Variants in MGAT4C observed in about 807,000 individuals in gnomAD.
MGAT4C encodes alpha-1,3-mannosyl-glycoprotein 4-beta-N-acetylglucosaminyltransferase C.
A neutral mutation model predicts 40.1 loss-of-function variants in MGAT4C; 19 were observed. That is an observed-to-expected ratio of 0.47 (90% CI 0.33 to 0.70). The LOEUF (loss-of-function observed/expected upper bound fraction) is 0.70. MGAT4C is among the 30% of genes least tolerant of loss of function. The probability of loss-of-function intolerance (pLI) is 0.02; values close to 1 mark genes in which losing one functional copy is unlikely to be tolerated. For missense variants in MGAT4C, 491 were observed against 563.2 expected (o/e 0.87, Z 1.30); for synonymous variants, 181 against 187.1 (o/e 0.97, Z 0.27).
chr12:86,109,758 G>A (rs1374416637), intron 1 of MGAT4C, among the ~76,000 whole-genome samples: 1 of 151,842 alleles, frequency 6.6e-6, no homozygotes, highest in Non-Finnish European at 1.5e-5. Flanking sequence ...AAAGTGGTAG[G>A]CAAAATGTAT....
chr12:86,815,497 A>T (rs549239902), intron 1 of MGAT4C, among the ~76,000 whole-genome samples: 15 of 150,692 alleles, frequency 1.0e-4, no homozygotes, highest in Non-Finnish European at 7.4e-5. Context: ...ACTACTGGGT[A>T]TCTACCCAGA....
In MGAT4C at chr12:85,975,064, T is replaced by G. The variant is rs2136667206; in HGVS notation, c.*4225A>C. On this transcript the variant is annotated 3_prime_UTR_variant, in exon 5 of 5. Transcript: ENST00000611864. ...TCAATGTAAATGGATCAAGATTTCT[T>G]AAAACAGAAATGAATATTATTATTT... 1 of 151,090 alleles carries G rather than the reference T, an allele frequency of 6.6e-6. No individual in the cohort carries two copies. Among genetic ancestry groups the G allele is most frequent in the East Asian group, 1.9e-4 (1 of 5,178 alleles). The allele number at this position is 151,090 out of a possible 1,614,324, so 9.4% of individuals were successfully genotyped here.
chr12:86,047,846 T>C (rs1194184268), intron 2 of MGAT4C, among the ~76,000 whole-genome samples: 1 of 152,124 alleles, frequency 6.6e-6, no homozygotes, highest in Non-Finnish European at 1.5e-5. Flanking sequence ...CCTTAGTGAT[T>C]GGCAGGAGCA....
At chr12:86,489,950 G>T (rs774069919) in intron 2 of MGAT4C, among the ~76,000 whole-genome samples, 8 of 151,282 alleles carry the variant, frequency 5.3e-5, no homozygotes, top group Non-Finnish European at 1.0e-4. Flanking sequence ...CGTCTAATTG[G>T]TGTACCTGAA....
At position 85,960,486 on chromosome 12, in the gene MGAT4C, C is replaced by T. The variant is rs1883054998; in HGVS notation, c.*18803G>A. 6.6e-6 allele frequency: 1 copy of T among 151,998 alleles called. No individual in the cohort carries two copies. The highest frequency in any genetic ancestry group is 1.5e-5 in the Non-Finnish European group (1 of 67,906). The allele number at this position is 151,998 out of a possible 1,614,324, so 9.4% of individuals were successfully genotyped here. On this transcript the variant is annotated 3_prime_UTR_variant, in exon 5 of 5. Coordinates refer to ENST00000611864, the MANE Select transcript of MGAT4C (RefSeq NM_001351288.2). ...GACATAGATGAAAAATGTAAAACAA[C>T]AATTAGCATGTGACATGCTCTCAGC...
chr12:86,680,666 C>A (rs959470353), intron 2 of MGAT4C, among the ~76,000 whole-genome samples: 3 of 151,970 alleles, frequency 2.0e-5, no homozygotes, highest in Non-Finnish European at 2.9e-5. Context: ...CATAAAATAG[C>A]AATTAACCTA....
rs955435862 is a variant in MGAT4C at position 86,114,253 on chromosome 12, G to A, written c.-56-64530C>T. On this transcript the variant is annotated intron_variant, in intron 1 of 4. Transcript: ENST00000611864. The stretch of plus-strand genomic sequence containing the variant: ...CTTTTGGTATTCCTTAAATGGTTTT[G>A]TCAGTAATCAAAAAGGACACCTGTT... Among the ~76,000 whole-genome samples the A allele has an allele frequency of 6.6e-5, 10 of 151,650 alleles. No individual in the cohort carries two copies. The Admixed American group carries it at 6.6e-4, about 10-fold the overall frequency.
intron 2 of MGAT4C, among the ~76,000 whole-genome samples, chr12:86,583,162 G>C (rs1960863213): frequency 6.6e-6 from 1 of 151,176 alleles, no homozygotes; most frequent in African/African-American, 2.4e-5. Flanking sequence ...AAGTTTGTGT[G>C]TTAAATAGCT....
At chr12:86,056,225 G>C (rs757618063) in intron 1 of MGAT4C, among the ~76,000 whole-genome samples, 1 of 151,998 alleles carries the variant, frequency 6.6e-6, no homozygotes, top group Non-Finnish European at 1.5e-5. Context: ...TGAAATGAGT[G>C]ATCTATTTAT....
chr12:86,449,211 G>A (rs1032313283), intron 2 of MGAT4C, among the ~76,000 whole-genome samples: 5 of 152,062 alleles, frequency 3.3e-5, no homozygotes, highest in African/African-American at 1.2e-4. Context: ...TAATATTTAT[G>A]GCAATGCCTG....
rs118020431 is a variant in MGAT4C, at chr12:86,564,580, C to T, written c.-228-129315G>A. Among the ~76,000 whole-genome samples the T allele has an allele frequency of 7.2e-5, 11 of 152,242 alleles. No homozygotes were observed. The South Asian group carries it at 8.3e-4, about 11-fold the overall frequency. Reference sequence around the variant, plus strand: ...CATGCAATGGGATGGAAAATAAATCCGACTAAAATTCGGGGAACTTCTACC... The same window carrying T: ...CATGCAATGGGATGGAAAATAAATCTGACTAAAATTCGGGGAACTTCTACC... On this transcript the variant is annotated intron_variant, in intron 2 of 7. Coordinates refer to the MGAT4C transcript ENST00000548651.
intron 1 of MGAT4C, among the ~76,000 whole-genome samples, chr12:86,075,180 G>A (rs1869446712): frequency 6.6e-6 from 1 of 152,222 alleles, no homozygotes; most frequent in South Asian, 2.1e-4. Context: ...TGGGGGTACA[G>A]TATTGGGTAA....
chr12:86,572,881 C>A (rs1254662644), intron 2 of MGAT4C, among the ~76,000 whole-genome samples: 2 of 151,978 alleles, frequency 1.3e-5, no homozygotes, highest in Admixed American at 6.6e-5. Flanking sequence ...CCCTTCCTTC[C>A]CCTTTTTCCT....
In MGAT4C at chr12:86,774,419, CTCTT is replaced by C. The variant is rs1201379276; in HGVS notation, c.-261-47182_-261-47179del. 6.7e-3 allele frequency among the ~76,000 whole-genome samples: 691 copies of C among 102,884 alleles called. 39 individuals are homozygous for C. Among genetic ancestry groups the C allele is most frequent in the Admixed American group, 0.06 (521 of 8,692 alleles). 67.5% of individuals were successfully genotyped at this position (102,884 alleles called of 152,430 possible). On this transcript the variant is annotated intron_variant, in intron 1 of 7. Transcript: ENST00000548651. ...CTCCTCTCTCTCTCTCTCTCTCTCTCTCTTTCTTTCTTTCTTTTCTGTTAGCCAT... is the reference window on the plus strand; with the variant it reads ...CTCCTCTCTCTCTCTCTCTCTCTCTCTCTTTCTTTCTTTTCTGTTAGCCAT...
chr12:86,177,042 T>C (rs1285411730), intron 1 of MGAT4C, among the ~76,000 whole-genome samples: 1 of 151,856 alleles, frequency 6.6e-6, no homozygotes, highest in Non-Finnish European at 1.5e-5. Flanking sequence ...TCACTATCTG[T>C]TCTTCTCCCT....
chr12:86,065,600 A>G (rs970222305), intron 1 of MGAT4C, among the ~76,000 whole-genome samples: 3 of 152,342 alleles, frequency 2.0e-5, no homozygotes, highest in East Asian at 3.9e-4. Flanking sequence ...GGCAGTCAAT[A>G]TTATACTGAA....
intron 1 of MGAT4C, among the ~76,000 whole-genome samples, chr12:86,090,745 C>T (rs1406504979): frequency 6.6e-6 from 1 of 151,824 alleles, no homozygotes; most frequent in African/African-American, 2.4e-5. Context: ...GACTTCTTCT[C>T]CAGATTCATT....
chr12:86,671,287 T>A (rs1964249881), intron 2 of MGAT4C, among the ~76,000 whole-genome samples: 1 of 152,230 alleles, frequency 6.6e-6, no homozygotes, highest in Non-Finnish European at 1.5e-5. Flanking sequence ...CCTCAGAGTC[T>A]GTTTATATAA....
intron 2 of MGAT4C, among the ~76,000 whole-genome samples, chr12:86,492,782 C>T (rs937025238): frequency 1.6e-4 from 24 of 152,076 alleles, no homozygotes; most frequent in African/African-American, 5.1e-4. Context: ...GCAACAAAAC[C>T]GAAAATTGAT....
Sources: allele counts gnomAD v4.1 joint callset (sites outside exome capture counted in the v4.1 genomes callset), GRCh38; gene constraint gnomAD v4.1.1; transcripts MANE v1.5; gene names NCBI Gene and HGNC (gene_info 2026-07-23, HGNC 2026-07-21).